Variants in MMRN1 observed in about 807,000 individuals in gnomAD.
MMRN1 encodes multimerin 1, also known as multimerin-1.
A neutral mutation model predicts 100.7 loss-of-function variants in MMRN1; 94 were observed. The ratio of observed to expected loss-of-function variants is 0.93; its 90% CI spans 0.79 to 1.11. The LOEUF (loss-of-function observed/expected upper bound fraction) is 1.11, where lower values mean the gene tolerates loss of function less well. MMRN1 is among the 50% of genes least tolerant of loss of function. The pLI, the probability that MMRN1 is intolerant of heterozygous loss-of-function variation, is 0.00. For synonymous variants in MMRN1, 575 were observed against 505.0 expected (o/e 1.14, Z -1.86); for missense variants, 1,606 against 1,439.1 (o/e 1.12, Z -1.88).
rs567283280 is a variant in MMRN1 at position 89,953,325 on chromosome 4, G to T, written c.3594G>T (p.Gly1198=). 2.5e-6 allele frequency: 4 copies of T among 1,613,606 alleles called. No homozygotes were observed. The highest frequency in any genetic ancestry group is 2.2e-5 in the East Asian group (1 of 44,858). ...TGDALLELNY[G]QEVWLRLAKG... ...ATGCCTTATTAGAATTAAATTATGG[G>T]CAGGAAGTCTGGTTACGACTTGCAA... Residue 1198 remains glycine (G), a synonymous_variant, in exon 8 of 8, where the codon GGG becomes GGT. Transcript: ENST00000264790.
intron 6 of MMRN1, among the ~76,000 whole-genome samples, chr4:89,943,893 A>C (rs1722908472): frequency 6.6e-6 from 1 of 151,976 alleles, no homozygotes; most frequent in Non-Finnish European, 1.5e-5. Flanking sequence ...GAGGCAGGAG[A>C]ATATCTTGAA....
chr4:89,921,642 G>T (rs1397251077), intron 3 of MMRN1, among the ~76,000 whole-genome samples: 2 of 152,056 alleles, frequency 1.3e-5, no homozygotes, highest in Non-Finnish European at 2.9e-5. Context: ...GATTGCTTTT[G>T]TCCATCAGAT....
intron 1 of MMRN1, among the ~76,000 whole-genome samples, chr4:89,904,864 A>G (rs905511088): frequency 1.8e-4 from 27 of 151,836 alleles, no homozygotes; most frequent in African/African-American, 6.0e-4. Flanking sequence ...TTAATAATTG[A>G]ACCGTTAAAA....
intron 5 of MMRN1, among the ~76,000 whole-genome samples, chr4:89,928,492 T>G (rs1407984276): frequency 1.3e-5 from 2 of 152,194 alleles, no homozygotes; most frequent in African/African-American, 4.8e-5. Flanking sequence ...GAATAGGCTT[T>G]GCCTGAATTT....
chr4:89,918,423 T>C (rs1292204263), intron 3 of MMRN1, among the ~76,000 whole-genome samples: 1 of 151,876 alleles, frequency 6.6e-6, no homozygotes, highest in East Asian at 1.9e-4. Flanking sequence ...TAGGGCTTGA[T>C]ATAATTTACA....
At chr4:89,938,198 T>C (rs994599499) in intron 6 of MMRN1, among the ~76,000 whole-genome samples, 2 of 151,828 alleles carry the variant, frequency 1.3e-5, no homozygotes, top group South Asian at 2.1e-4. Context: ...TTTAAATTAG[T>C]ATATTTATTT....
chr4:89,899,221 T>G (rs911013775), intron 1 of MMRN1, among the ~76,000 whole-genome samples: 33 of 152,054 alleles, frequency 2.2e-4, no homozygotes, highest in Non-Finnish European at 3.7e-4. Flanking sequence ...TTTTTTTTTT[T>G]AGCCTTGCAG....
At chr4:89,905,389 A>T (rs1026090625) in intron 1 of MMRN1, among the ~76,000 whole-genome samples, 2 of 151,498 alleles carry the variant, frequency 1.3e-5, no homozygotes, top group South Asian at 4.1e-4. Context: ...TTTTCTCTCT[A>T]AATTAAGTCC....
chr4:89,897,476 G>A (rs113863514), intron 1 of MMRN1, among the ~76,000 whole-genome samples: 1 of 151,950 alleles, frequency 6.6e-6, no homozygotes, highest in Non-Finnish European at 1.5e-5. Context: ...CCAAAGTGCT[G>A]GGATTACAGG....
chr4:89,932,840 G>C (rs1188342365), intron 5 of MMRN1, among the ~76,000 whole-genome samples: 1 of 152,144 alleles, frequency 6.6e-6, no homozygotes, highest in Admixed American at 6.5e-5. Flanking sequence ...GACATGCTCT[G>C]GAGGCATTTT....
chr4:89,948,912 G>A (rs1309066803), intron 6 of MMRN1, among the ~76,000 whole-genome samples: 1 of 152,092 alleles, frequency 6.6e-6, no homozygotes, highest in Non-Finnish European at 1.5e-5. Context: ...CAAGAAGTTT[G>A]GGCTACTGTA....
Position 89,895,462 on chromosome 4 carries a change from G to A in MMRN1, c.491G>A (p.Gly164Asp), listed in dbSNP as rs748168750. Residue 164 changes from glycine (G) to aspartate (D), a missense_variant, in exon 1 of 8, where the codon GGC (glycine) becomes GAC (aspartate). Coordinates refer to ENST00000264790, the MANE Select transcript of MMRN1 (RefSeq NM_007351.3). ...CTAAACACAGTTGGAGGCACTGGAG[G>A]CATTGGAGGCGTTGGAGGCACTGGA... ...TSLNTVGGTG[G>D]IGGVGGTGGV... The A allele has an allele frequency of 6.2e-7, 1 of 1,613,746 alleles. No homozygotes were observed. Among genetic ancestry groups the A allele is most frequent in the Non-Finnish European group, 8.5e-7 (1 of 1,179,864 alleles).
At chr4:89,947,886 T>C (rs955198779) in intron 6 of MMRN1, among the ~76,000 whole-genome samples, 1 of 152,176 alleles carries the variant, frequency 6.6e-6, no homozygotes, top group Non-Finnish European at 1.5e-5. Flanking sequence ...AGAGTCTCAC[T>C]CCGTCGCCCA....
Position 89,895,602 on chromosome 4 carries a change from A to G in MMRN1, c.623+8A>G. The G allele has an allele frequency of 6.2e-7, 1 of 1,609,868 alleles. No individual in the cohort carries two copies. Among genetic ancestry groups the G allele is most frequent in the Non-Finnish European group, 8.5e-7 (1 of 1,177,762 alleles). On this transcript the variant is annotated splice_region_variant and intron_variant, in intron 1 of 7. Transcript: ENST00000264790. ...CGAAACAACTAGAGGAAAGTAAGAA[A>G]TCTTCTTTTCTTTTTGTTCTTTCTC...
chr4:89,882,418 A>C (rs1391165965), intron 1 of MMRN1, among the ~76,000 whole-genome samples: 1 of 151,810 alleles, frequency 6.6e-6, no homozygotes, highest in African/African-American at 2.4e-5. Flanking sequence ...TTAAGAGGAC[A>C]TGAATGAAGA....
intron 1 of MMRN1, chr4:89,902,217 T>C (rs937503774): frequency 6.6e-6 from 1 of 151,294 alleles, no homozygotes; most frequent in Non-Finnish European, 1.5e-5. Flanking sequence ...GGGAGATATA[T>C]CTAATGCTAG....
At chr4:89,923,073 G>C (rs1722140684) in intron 3 of MMRN1, 95 bp from the exon 4 acceptor site, 1 of 1,012,094 alleles carries the variant, frequency 9.9e-7, no homozygotes, top group African/African-American at 1.6e-5. Flanking sequence ...CAGTACGCGG[G>C]AAAATGAATG....
chr4:89,885,702 C>G (rs1367494961), intron 1 of MMRN1, among the ~76,000 whole-genome samples: 1 of 152,054 alleles, frequency 6.6e-6, no homozygotes, highest in African/African-American at 2.4e-5. Flanking sequence ...TGGGACCTTA[C>G]TATTCTTGCA....
rs1722589851 is a variant in MMRN1, at chr4:89,935,514, G to C, written c.1834G>C (p.Glu612Gln). The stretch of plus-strand genomic sequence containing the variant: ...TAAATTTCAACTTAAGGACACAGAA[G>C]AGAATTTACATGTGTTAAATCAAAC... ...DFKFQLKDTEENLHVLNQTLA... is the reference protein window; with the variant it reads ...DFKFQLKDTEQNLHVLNQTLA... Residue 612 changes from glutamate (E) to glutamine (Q), a missense_variant, in exon 6 of 8, where the codon GAG becomes CAG. Physicochemically the swap from Glu to Gln is conservative, Grantham distance 29. Coordinates refer to ENST00000264790, the MANE Select transcript of MMRN1 (RefSeq NM_007351.3). 6.2e-7 allele frequency: 1 copy of C among 1,613,390 alleles called. No individual in the cohort carries two copies. The highest frequency in any genetic ancestry group is 1.7e-5 in the Admixed American group (1 of 59,958).
Sources: gnomAD v4.1 joint callset for allele counts (sites outside exome capture counted in the v4.1 genomes callset) on GRCh38, gnomAD v4.1.1 for gene constraint, MANE v1.5 for transcripts, NCBI Gene and HGNC (gene_info 2026-07-23, HGNC 2026-07-21) for gene names.